Variants in TLE1 observed in about 807,000 individuals in gnomAD.
TLE1 encodes transducin-like enhancer protein 1.
TLE1 carries 21 observed loss-of-function variants against 89.8 expected under a neutral mutation model. The ratio of observed to expected loss-of-function variants is 0.23; its 90% CI spans 0.17 to 0.34. The LOEUF (loss-of-function observed/expected upper bound fraction) is 0.34, where lower values mean the gene tolerates loss of function less well. TLE1 is among the 10% of genes least tolerant of loss of function. TLE1 has a pLI of 1.00. For synonymous variants in TLE1, 447 were observed against 407.6 expected, an observed-to-expected ratio of 1.10 and a Z score of -1.16; for missense variants, 795 against 1,031.2, an observed-to-expected ratio of 0.77 and a Z score of 3.14.
At chr9:81,660,387 G>A (rs998670235) in intron 4 of TLE1, among the ~76,000 whole-genome samples, 1 of 150,690 alleles carries the variant, frequency 6.6e-6, no homozygotes, top group African/African-American at 2.4e-5. Context: ...TAAAATTCAT[G>A]TACATGTATG....
intron 6 of TLE1, among the ~76,000 whole-genome samples, chr9:81,645,665 G>A (rs925049946): frequency 2.6e-5 from 4 of 151,758 alleles, no homozygotes; most frequent in Non-Finnish European, 5.9e-5. Context: ...GCTTGAACCC[G>A]GGAGGCAGAG....
chr9:81,651,973 A>AT (rs34891171), intron 6 of TLE1, among the ~76,000 whole-genome samples: 31,049 of 151,438 alleles, frequency 0.21, 3,710 homozygotes, highest in South Asian at 0.44. Flanking sequence ...TAATTAATAG[A>AT]TTTTTTGTCC....
chr9:81,654,803 C>T (rs1744016725), intron 4 of TLE1, among the ~76,000 whole-genome samples: 1 of 152,184 alleles, frequency 6.6e-6, no homozygotes, highest in South Asian at 2.1e-4. Context: ...GCCTGCTGAC[C>T]TCTTTGCCAC....
In TLE1 at chr9:81,620,438, T is replaced by A; in HGVS notation, c.711+3A>T. 6.2e-7 allele frequency: 1 copy of A among 1,607,954 alleles called. No homozygotes were observed. Among genetic ancestry groups the A allele is most frequent in the Non-Finnish European group, 8.5e-7 (1 of 1,176,252 alleles). On this transcript the variant is annotated splice_donor_region_variant and intron_variant, in intron 9 of 19. Transcript: ENST00000376499. Reference sequence around the variant, plus strand: ...TATTATTTCAAGTCCTTTAATTACTTACATAGTGGCTGGAGTCCTTATCAT... The same window carrying A: ...TATTATTTCAAGTCCTTTAATTACTAACATAGTGGCTGGAGTCCTTATCAT...
intron 10 of TLE1, 146 bp downstream of exon 10, chr9:81,616,500 C>G: frequency 5.4e-6 from 4 of 739,152 alleles, no homozygotes; most frequent in Middle Eastern, 3.9e-4. Context: ...TTGCTCCATA[C>G]ATGAGCAACC....
At chr9:81,610,125 G>A (rs1281650289) in intron 14 of TLE1, 95 bp downstream of exon 14, 29 of 1,109,028 alleles carry the variant, frequency 2.6e-5, no homozygotes, top group South Asian at 4.1e-5. Flanking sequence ...CCTTGGAAAC[G>A]CCCAAGCCTG....
chr9:81,603,320 T>C (rs1587921794), intron 14 of TLE1, among the ~76,000 whole-genome samples: 1 of 152,180 alleles, frequency 6.6e-6, no homozygotes, highest in South Asian at 2.1e-4. Flanking sequence ...ATTTAACTCA[T>C]GTTCCCCTTG....
chr9:81,622,673 G>T (rs947086675), intron 8 of TLE1, among the ~76,000 whole-genome samples: 1 of 152,188 alleles, frequency 6.6e-6, no homozygotes, highest in Non-Finnish European at 1.5e-5. Context: ...GTTTTGAAAA[G>T]CTCTGAAAGT....
At chr9:81,637,098 C>T (rs568339062) in intron 6 of TLE1, among the ~76,000 whole-genome samples, 85 of 152,218 alleles carry the variant, frequency 5.6e-4, no homozygotes, top group South Asian at 2.7e-3. Flanking sequence ...TGGGTCATGC[C>T]TGTAATCCCA....
intron 6 of TLE1, among the ~76,000 whole-genome samples, chr9:81,645,388 A>G (rs1474321290): frequency 1.3e-5 from 2 of 151,182 alleles, no homozygotes; most frequent in Admixed American, 6.6e-5. Context: ...AATAATAGTA[A>G]TAATAATTCA....
intron 18 of TLE1, among the ~76,000 whole-genome samples, chr9:81,585,102 A>T (rs1828196928): frequency 6.6e-6 from 1 of 152,138 alleles, no homozygotes; most frequent in Non-Finnish European, 1.5e-5. Flanking sequence ...GTAGAGTGTA[A>T]CTAAGTGTCT....
At chr9:81,681,194 T>A (rs1214183410) in intron 4 of TLE1, among the ~76,000 whole-genome samples, 2 of 152,202 alleles carry the variant, frequency 1.3e-5, no homozygotes, top group South Asian at 4.1e-4. Flanking sequence ...CCAACCAGGA[T>A]TGCAGAATAT....
At chr9:81,637,470 C>G (rs774454556) in intron 6 of TLE1, among the ~76,000 whole-genome samples, 4 of 152,054 alleles carry the variant, frequency 2.6e-5, no homozygotes, top group African/African-American at 4.8e-5. Context: ...TGTGGTTAAA[C>G]CCAACAGTTT....
At chr9:81,667,723 C>CG (rs1831667368) in intron 4 of TLE1, among the ~76,000 whole-genome samples, 1 of 150,482 alleles carries the variant, frequency 6.6e-6, no homozygotes, top group Middle Eastern at 3.2e-3. Context: ...CTGCTCCCCC[C>CG]CAAGCTGAGT....
intron 17 of TLE1, among the ~76,000 whole-genome samples, chr9:81,586,765 T>C (rs1187089298): frequency 6.6e-6 from 1 of 152,206 alleles, no homozygotes; most frequent in African/African-American, 2.4e-5. Context: ...TCATATGTAT[T>C]TGAGAATTTC....
At chr9:81,598,455 A>G (rs1379460038) in intron 14 of TLE1, among the ~76,000 whole-genome samples, 2 of 152,100 alleles carry the variant, frequency 1.3e-5, no homozygotes, top group Non-Finnish European at 2.9e-5. Context: ...TACTTCTCAT[A>G]TGGTGAACAT....
chr9:81,657,645 G>A (rs1431633425), intron 4 of TLE1, among the ~76,000 whole-genome samples: 1 of 151,966 alleles, frequency 6.6e-6, no homozygotes, highest in Non-Finnish European at 1.5e-5. Flanking sequence ...GAAAGCAAAG[G>A]CAATGAATAC....
intron 16 of TLE1, among the ~76,000 whole-genome samples, chr9:81,589,810 G>A (rs1392201434): frequency 2.0e-5 from 3 of 152,166 alleles, no homozygotes; most frequent in East Asian, 1.9e-4. Flanking sequence ...TGGAGAGGGC[G>A]TTCGGCCCTG....
Position 81,596,336 on chromosome 9 carries a change from C to A in TLE1, c.1332-3062G>T, listed in dbSNP as rs143294749. ...ATGTTAATACATCAGTCACAGGGGG[C>A]CTCGCAGGAAGCTGGTGCTGCCTGC... is the stretch of plus-strand genomic sequence containing the variant. On this transcript the variant is annotated intron_variant, in intron 14 of 19. Transcript: ENST00000376499. Among the ~76,000 whole-genome samples, 886 of 152,234 alleles carry A rather than the reference C, an allele frequency of 5.8e-3. 10 individuals are homozygous for A. Among genetic ancestry groups the A allele is most frequent in the African/African-American group, 0.02 (839 of 41,532 alleles).
Sources: gnomAD v4.1 joint callset for allele counts (sites outside exome capture counted in the v4.1 genomes callset) on GRCh38, gnomAD v4.1.1 for gene constraint, MANE v1.5 for transcripts, NCBI Gene and HGNC (gene_info 2026-07-23, HGNC 2026-07-21) for gene names.